Variants in CDKN2A observed in about 807,000 individuals in gnomAD.
CDKN2A encodes cyclin-dependent kinase inhibitor 2A.
In CDKN2A, 3 loss-of-function variants were observed where a neutral mutation model predicts 11.1. That is an observed-to-expected ratio of 0.27 (90% confidence interval 0.12 to 0.70). The LOEUF (loss-of-function observed/expected upper bound fraction) is 0.70, where lower values mean the gene tolerates loss of function less well. Among genes scored for constraint, CDKN2A ranks in the 30% least tolerant of loss-of-function variants. The pLI, the probability that CDKN2A is intolerant of heterozygous loss-of-function variation, is 0.77. For synonymous variants in CDKN2A, 122 were observed against 108.1 expected, an observed-to-expected ratio of 1.13 and a Z score of -0.80; for missense variants, 265 against 233.6, an observed-to-expected ratio of 1.13 and a Z score of -0.88.
In CDKN2A at chr9:21,974,641, C is replaced by T. The variant is rs45456595; in HGVS notation, c.150+37G>A. The T allele has an allele frequency of 6.2e-7, 1 of 1,614,214 alleles. No individual in the cohort carries two copies. The highest frequency in any genetic ancestry group is 1.6e-4 in the Middle Eastern group (1 of 6,062). On this transcript the variant is annotated intron_variant, in intron 1 of 2. Coordinates refer to ENST00000304494, the MANE Select transcript of CDKN2A (RefSeq NM_000077.5). This position sits in a 1 kb window ranked among gnomAD's most constrained non-coding sequence, Gnocchi z 5.2. ...GCAAACTTCGTCCTCCAGAGTCGCC[C>T]GCCATCCCCTGCTCCCGCTGCAGAC...
rs59981968 is a variant in CDKN2A at position 21,971,575 on chromosome 9, A to ATTTTTTTTTTTTTTTTT, written c.151-384_151-368dup. Among the ~76,000 whole-genome samples the ATTTTTTTTTTTTTTTTT allele has an allele frequency of 7.5e-3, 835 of 111,190 alleles. 39 individuals carry two copies. The highest frequency in any genetic ancestry group is 0.011 in the African/African-American group (244 of 22,872). The allele number at this position is 111,190 out of a possible 152,430, so 72.9% of individuals were successfully genotyped here. ...TCCTGAAATTATGTTAGGCCTGGAG[A>ATTTTTTTTTTTTTTTTT]TTTTTTTTTTTTTTTTTGTTCACTG... On this transcript the variant is annotated intron_variant, in intron 1 of 2. Transcript: ENST00000304494.
At chr9:21,977,159 A>G (rs1446332010), upstream of CDKN2A, among the ~76,000 whole-genome samples, 1 of 152,224 alleles carries the variant, frequency 6.6e-6, no homozygotes, top group African/African-American at 2.4e-5. Context: ...GCATTACTGT[A>G]CCATTTATAT....
At chr9:21,980,226 C>T (rs77574661) in intron 2 of CDKN2A, among the ~76,000 whole-genome samples, 32 of 152,206 alleles carry the variant, frequency 2.1e-4, no homozygotes, top group South Asian at 4.2e-4. Context: ...CTATTGTTTA[C>T]GCTTGAGGTG....
At chr9:21,975,639 T>C (rs1396215596), upstream of CDKN2A, among the ~76,000 whole-genome samples, 2 of 152,158 alleles carry the variant, frequency 1.3e-5, no homozygotes, top group Non-Finnish European at 2.9e-5. Context: ...CATTGCCTGG[T>C]ATAAGAGCAG....
rs759763964 is a variant in CDKN2A at position 21,971,142 on chromosome 9, C to T, written c.217G>A (p.Ala73Thr). 1 of 1,591,574 alleles carries T rather than the reference C, an allele frequency of 6.3e-7. No homozygotes were observed. The stretch of plus-strand genomic sequence containing the variant: ...GGTCGGGTGAGAGTGGCGGGGTCGG[C>T]GCAGTTGGGCTCCGCGCCGTGGAGC... The part of the protein sequence containing the change: ...LLLHGAEPNC[A>T]DPATLTRPVH... Residue 73 changes from alanine to threonine, a missense_variant, in exon 2 of 3, where the codon GCC becomes ACC. Physicochemically the swap from Ala to Thr is moderately conservative, Grantham distance 58. Coordinates refer to ENST00000304494, the MANE Select transcript of CDKN2A (RefSeq NM_000077.5).
rs1819524737 is a variant in CDKN2A at position 21,968,577 on chromosome 9, T to C, written c.458-335A>G. ...AATGAGTCTCAGTGGTTGCTCACAA[T>C]GCCAGGCGCGAAGGCGTGAAGATGT... On this transcript the variant is annotated intron_variant, in intron 2 of 2. Transcript: ENST00000304494. The surrounding 1 kb of genome is among the most constrained non-coding windows in gnomAD (Gnocchi z 4.7). 3.4e-6 allele frequency: 5 copies of C among 1,467,576 alleles called. No individual in the cohort carries two copies. The highest frequency in any genetic ancestry group is 1.4e-5 in the African/African-American group (1 of 70,682). 90.9% of individuals were successfully genotyped at this position (1,467,576 alleles called of 1,614,324 possible). A position where few individuals can be genotyped will look rare whatever the true frequency, so the allele number is the denominator to read the frequency against.
chr9:21,979,018 A>G (rs1820109811), upstream of CDKN2A, among the ~76,000 whole-genome samples: 1 of 152,246 alleles, frequency 6.6e-6, no homozygotes, highest in African/African-American at 2.4e-5. Flanking sequence ...GAATGATACA[A>G]GAAAATGAAA....
At chr9:21,986,545 T>C (rs1820301349) in intron 2 of CDKN2A, among the ~76,000 whole-genome samples, 1 of 151,994 alleles carries the variant, frequency 6.6e-6, no homozygotes, top group African/African-American at 2.4e-5. Context: ...TATGAATTAC[T>C]AGTCAATGAC....
At chr9:21,993,995 T>C in exon 2 of CDKN2A, 1 of 880,590 alleles carries the variant, frequency 1.1e-6, no homozygotes. Flanking sequence ...GTCTAAGTCG[T>C]TGTAACCCGA....
intron 2 of CDKN2A, among the ~76,000 whole-genome samples, chr9:21,980,723 G>A (rs1246368238): frequency 6.6e-6 from 1 of 151,644 alleles, no homozygotes; most frequent in Non-Finnish European, 1.5e-5. Context: ...ACTTTGGGAG[G>A]CCGAGGCGGG....
rs2131108410 is a variant in CDKN2A, at chr9:21,974,386, A to G, written c.150+292T>C. ...TATCCCAAACGTTCGTAAATTTTGT[A>G]TCTGATAAAGAGCATACTTCCATCT... On this transcript the variant is annotated intron_variant, in intron 1 of 2. Transcript: ENST00000304494. This position sits in a 1 kb window ranked among gnomAD's most constrained non-coding sequence, Gnocchi z 5.2. 1.3e-6 allele frequency: 2 copies of G among 1,562,022 alleles called. No individual in the cohort carries two copies. Among genetic ancestry groups the G allele is most frequent in the African/African-American group, 1.4e-5 (1 of 73,618 alleles).
chr9:21,983,809 A>G (rs1820246078), intron 2 of CDKN2A, among the ~76,000 whole-genome samples: 1 of 151,986 alleles, frequency 6.6e-6, no homozygotes. Context: ...CCATATCCTT[A>G]ATCATAATTT....
At chr9:21,970,787 G>T in intron 2 of CDKN2A, 115 bp downstream of exon 2, 2 of 1,318,518 alleles carry the variant, frequency 1.5e-6, no homozygotes, top group South Asian at 1.2e-5. Flanking sequence ...ATTGGCGCGT[G>T]AGCTGAGGCA....
In CDKN2A at chr9:21,968,665, T is replaced by C. The variant is rs1044825177; in HGVS notation, c.458-423A>G. The C allele has an allele frequency of 2.0e-6, 3 of 1,535,286 alleles. No individual in the cohort carries two copies. Among genetic ancestry groups the C allele is most frequent in the East Asian group, 4.9e-5 (2 of 40,926 alleles). On this transcript the variant is annotated intron_variant, in intron 2 of 2. Coordinates refer to ENST00000304494, the MANE Select transcript of CDKN2A (RefSeq NM_000077.5). The surrounding 1 kb of genome is among the most constrained non-coding windows in gnomAD (Gnocchi z 4.7). The stretch of plus-strand genomic sequence containing the variant: ...CCTGGTGCGGAGTGAGCCAGCCAGC[T>C]TGCGATAACCAAAGGGCGCCTCAGG...
At chr9:21,971,320 T>C in intron 1 of CDKN2A, 112 bp from the exon 2 acceptor site, 4 of 1,527,152 alleles carry the variant, frequency 2.6e-6, no homozygotes, top group East Asian at 2.5e-5. Context: ...GCCCCAGGTG[T>C]CTAATTACCC....
intron 1 of CDKN2A, among the ~76,000 whole-genome samples, chr9:21,972,807 T>C (rs1366446674): frequency 6.6e-6 from 1 of 152,194 alleles, no homozygotes; most frequent in African/African-American, 2.4e-5. Context: ...AAAATTTGAG[T>C]GCTGCATGGT....
chr9:21,991,452 C>A lies in CDKN2A; in HGVS notation c.-4+2430G>T, dbSNP rs72550819. On this transcript the variant is annotated intron_variant, in intron 2 of 3. Coordinates refer to the CDKN2A transcript ENST00000494262. The surrounding 1 kb of genome is among the most constrained non-coding windows in gnomAD (Gnocchi z 5.2). ...CTACTATGAAGTTTCAGTTTTAGTT[C>A]GGCCTAGAATGTTTTAGTACAGAAG... The A allele has an allele frequency of 3.2e-3, 514 of 161,008 alleles. 1 individual carries two copies. The highest frequency in any genetic ancestry group is 4.9e-3 in the Non-Finnish European group (374 of 76,022). The allele number at this position is 161,008 out of a possible 1,614,324, so 10.0% of individuals were successfully genotyped here.
upstream of CDKN2A, among the ~76,000 whole-genome samples, chr9:21,975,635 C>G (rs1218059492): frequency 6.6e-6 from 1 of 152,150 alleles, no homozygotes; most frequent in Non-Finnish European, 1.5e-5. Flanking sequence ...TGTACATTGC[C>G]TGGTATAAGA....
At chr9:21,983,257 T>C (rs1202422755) in intron 2 of CDKN2A, among the ~76,000 whole-genome samples, 1 of 152,068 alleles carries the variant, frequency 6.6e-6, no homozygotes, top group Non-Finnish European at 1.5e-5. Context: ...TTAAAAATAA[T>C]TAAGGAATTA....
Sources: gnomAD v4.1 joint callset for allele counts (sites outside exome capture counted in the v4.1 genomes callset) on GRCh38, gnomAD v4.1.1 for gene constraint, Gnocchi (gnomAD v3.1) non-coding constraint, MANE v1.5 for transcripts, NCBI Gene and HGNC (gene_info 2026-07-23, HGNC 2026-07-21) for gene names.